Variants in DNAI7 observed in about 807,000 individuals in gnomAD.
DNAI7 encodes the protein dynein axonemal intermediate chain 7, also known as cancer susceptibility 1.
DNAI7 carries 78 observed loss-of-function variants against 86.6 expected under a neutral mutation model. That is an observed-to-expected ratio of 0.90 (90% CI 0.75 to 1.09). DNAI7 has a LOEUF of 1.09. DNAI7 is among the 50% of genes least tolerant of loss of function. The pLI, the probability that DNAI7 is intolerant of heterozygous loss-of-function variation, is 0.00. For synonymous variants in DNAI7, 274 were observed against 273.0 expected, an observed-to-expected ratio of 1.00 and a Z score of -0.04; for missense variants, 753 against 810.2, an observed-to-expected ratio of 0.93 and a Z score of 0.86.
At position 25,147,017 on chromosome 12, in the gene DNAI7, G is replaced by A. The variant is rs148288962; in HGVS notation, c.673C>T (p.Leu225Phe). 32 of 1,581,234 alleles carry A rather than the reference G, an allele frequency of 2.0e-5. No individual in the cohort carries two copies. The East Asian group carries it at 6.0e-4, about 30-fold the overall frequency. The stretch of plus-strand genomic sequence containing the variant: ...CAAGGGTACCTTGGATTCTTCTTGA[G>A]GTTTGCCCACACATACAGAGTAACA... ...ENVTLYVWAN[L>F]KKNPRHRSVR... is the part of the protein sequence containing the mutation. Residue 225 changes from leucine to phenylalanine, a missense_variant, in exon 8 of 16, where the codon CTC becomes TTC. Leu to Phe is a conservative substitution (Grantham distance 22, BLOSUM62 0). Transcript: ENST00000395987.
At chr12:25,107,954 A>G (rs1036017113), downstream of DNAI7, 6 of 1,614,028 alleles carry the variant, frequency 3.7e-6, no homozygotes, top group Non-Finnish European at 5.1e-6. Flanking sequence ...TTATTCCAGA[A>G]GTCTGTGGAT....
intron 12 of DNAI7, among the ~76,000 whole-genome samples, chr12:25,116,658 C>A (rs1940171789): frequency 1.3e-5 from 2 of 152,144 alleles, no homozygotes; most frequent in Admixed American, 1.3e-4. Context: ...TGACACCACG[C>A]CTGGCTAATT....
intron 9 of DNAI7, among the ~76,000 whole-genome samples, chr12:25,124,628 C>T (rs1173689503): frequency 1.3e-5 from 2 of 151,886 alleles, no homozygotes; most frequent in South Asian, 4.1e-4. Flanking sequence ...TTTTTTTTAA[C>T]TTTTATTTTA....
At chr12:25,127,606 T>C (rs935043005) in intron 9 of DNAI7, among the ~76,000 whole-genome samples, 1 of 152,206 alleles carries the variant, frequency 6.6e-6, no homozygotes, top group African/African-American at 2.4e-5. Context: ...TCAGAGAAGG[T>C]AGCTAAAGTA....
chr12:25,153,298 T>A (rs1945776380), intron 6 of DNAI7, among the ~76,000 whole-genome samples: 2 of 152,140 alleles, frequency 1.3e-5, no homozygotes, highest in South Asian at 4.1e-4. Flanking sequence ...GGCACATGAC[T>A]GTAATTCCAG....
At chr12:25,107,994 G>GACGTTCTAGA (rs778170636), downstream of DNAI7, 231 of 1,614,046 alleles carry the variant, frequency 1.4e-4, no homozygotes, top group Non-Finnish European at 1.9e-4. Context: ...AGGACTCATG[G>GACGTTCTAGA]ACGTCTCTAG....
At chr12:25,173,844 AT>A (rs1687644099) in intron 2 of DNAI7, among the ~76,000 whole-genome samples, 3 of 145,776 alleles carry the variant, frequency 2.1e-5, no homozygotes, top group African/African-American at 7.7e-5. Flanking sequence ...CATCATATAT[AT>A]ATACATCATA....
At chr12:25,143,797 TAA>T (rs1565711034) in intron 9 of DNAI7, among the ~76,000 whole-genome samples, 1 of 152,192 alleles carries the variant, frequency 6.6e-6, no homozygotes, top group South Asian at 2.1e-4. Flanking sequence ...ACTAAATTCT[TAA>T]GAGACATTTT....
chr12:25,178,095 T>C (rs759671016), intron 2 of DNAI7, among the ~76,000 whole-genome samples: 1 of 152,168 alleles, frequency 6.6e-6, no homozygotes, highest in African/African-American at 2.4e-5. Context: ...TCTCATAATA[T>C]CTTCAGATTA....
At position 25,108,719 on chromosome 12, in the gene DNAI7, C is replaced by T; in HGVS notation, c.1998G>A (p.Glu666=). The T allele has an allele frequency of 1.2e-6, 2 of 1,610,718 alleles. No individual in the cohort carries two copies. The highest frequency in any genetic ancestry group is 1.7e-6 in the Non-Finnish European group (2 of 1,179,028). Residue 666 remains glutamate, a synonymous_variant, in exon 16 of 16, where the codon GAG becomes GAA. Transcript: ENST00000395987. ...CTTCTTTAAGTGCTTCAGAAAATGC[C>T]TCACTCTCTTCCTTGATCTTCAGTC... ...AQRLKIKEES[E]AFSEALKEET... is the part of the protein sequence containing the mutation.
intron 9 of DNAI7, among the ~76,000 whole-genome samples, chr12:25,142,046 TGCATGTTTATA>T (rs1944259165): frequency 6.6e-6 from 1 of 152,160 alleles, no homozygotes. Context: ...CACTTGCACA[TGCATGTTTATA>T]GCAGGACAAT....
chr12:25,117,281 T>G (rs2140409019), intron 12 of DNAI7, among the ~76,000 whole-genome samples: 1 of 152,316 alleles, frequency 6.6e-6, no homozygotes, highest in Non-Finnish European at 1.5e-5. Flanking sequence ...ATAATACATC[T>G]TGTAGGTCTG....
In DNAI7 at chr12:25,129,761, A is replaced by AT. The variant is rs1165494687; in HGVS notation, c.1003-6476dup. On this transcript the variant is annotated intron_variant, in intron 9 of 15. Transcript: ENST00000395987. ...TTTATTTTGGGTTTATTTTTATTTT[A>AT]TTTTTATTTTTTTTTTTTGACATGG... Among the ~76,000 whole-genome samples, 296 of 71,884 alleles carry AT rather than the reference A, an allele frequency of 4.1e-3. 1 individual carries two copies. Among genetic ancestry groups the AT allele is most frequent in the Middle Eastern group, 0.038 (5 of 130 alleles). 47.2% of individuals were successfully genotyped at this position (71,884 alleles called of 152,430 possible). A position where few individuals can be genotyped will look rare whatever the true frequency, so the allele number is the denominator to read the frequency against.
intron 4 of DNAI7, among the ~76,000 whole-genome samples, chr12:25,156,024 G>C (rs1180309952): frequency 6.6e-6 from 1 of 152,026 alleles, no homozygotes; most frequent in African/African-American, 2.4e-5. Flanking sequence ...AGAACTGCTT[G>C]ACCCTGGAGG....
At chr12:25,187,850 T>G (rs905008627) in intron 2 of DNAI7, among the ~76,000 whole-genome samples, 1 of 151,852 alleles carries the variant, frequency 6.6e-6, no homozygotes, top group Non-Finnish European at 1.5e-5. Context: ...GATACCTGTA[T>G]AAAACTGGAT....
Position 25,108,669 on chromosome 12 carries a change from T to C in DNAI7, c.2048A>G (p.Tyr683Cys), listed in dbSNP as rs775709850. The C allele has an allele frequency of 3.1e-6, 5 of 1,613,620 alleles. No individual in the cohort carries two copies. Among genetic ancestry groups the C allele is most frequent in the African/African-American group, 2.7e-5 (2 of 74,868 alleles). Residue 683 changes from tyrosine (Y) to cysteine (C), a missense_variant, in exon 16 of 16, where the codon TAT becomes TGT. Coordinates refer to ENST00000395987, the MANE Select transcript of DNAI7 (RefSeq NM_018272.5). ...KEETEFHSTL[Y>C]HMVKDFASEE... ...AGAAGCAAAATCCTTCACCATGTGA[T>C]ATAAAGTAGAATGAAACTCAGTTTC...
At chr12:25,147,836 C>T (rs927853893) in intron 7 of DNAI7, among the ~76,000 whole-genome samples, 1 of 152,140 alleles carries the variant, frequency 6.6e-6, no homozygotes, top group African/African-American at 2.4e-5. Flanking sequence ...TATCTCCGAA[C>T]ACACCAAGTT....
intron 11 of DNAI7, 21 bp from the exon 12 acceptor site, chr12:25,119,322 A>G: frequency 6.4e-7 from 1 of 1,560,970 alleles, no homozygotes; most frequent in Non-Finnish European, 8.8e-7. Context: ...TGACCAAAAC[A>G]ACATCAAGTT....
chr12:25,192,833 CA>C (rs34334672), intron 1 of DNAI7: 16,319 of 80,876 alleles, frequency 0.2, 982 homozygotes, highest in Admixed American at 0.27. Context: ...AACTCTGCCT[CA>C]AAAAAAAAAA....
Sources: allele counts gnomAD v4.1 joint callset (sites outside exome capture counted in the v4.1 genomes callset), GRCh38; gene constraint gnomAD v4.1.1; transcripts MANE v1.5; gene names NCBI Gene and HGNC (gene_info 2026-07-23, HGNC 2026-07-21).